VPS13C: variants seen among roughly 807,000 people sequenced by gnomAD.
VPS13C encodes vacuolar protein sorting 13 homolog C.
A neutral mutation model predicts 456.8 loss-of-function variants in VPS13C; 358 were observed. The observed-to-expected ratio is 0.78, with a 90% CI of 0.72 to 0.86. VPS13C has a LOEUF of 0.86. Among genes scored for constraint, VPS13C ranks in the 40% least tolerant of loss-of-function variants. The pLI, the probability that VPS13C is intolerant of heterozygous loss-of-function variation, is 0.00. For missense variants in VPS13C, 4,818 were observed against 4,385.4 expected, an observed-to-expected ratio of 1.10 and a Z score of -2.79; for synonymous variants, 1,578 against 1,486.7, an observed-to-expected ratio of 1.06 and a Z score of -1.41.
chr15:61,910,391 A>G, intron 63 of VPS13C, 86 bp from the exon 64 acceptor site: 1 of 1,076,038 alleles, frequency 9.3e-7, no homozygotes, highest in South Asian at 3.3e-5. Context: ...TTCAATTCTG[A>G]TTCTGATCTT....
intron 2 of VPS13C, among the ~76,000 whole-genome samples, chr15:62,042,419 T>G (rs955142646): frequency 5.9e-5 from 9 of 152,020 alleles, no homozygotes; most frequent in African/African-American, 2.2e-4. Context: ...AATAATTAAC[T>G]AAAATAATCA....
intron 53 of VPS13C, among the ~76,000 whole-genome samples, chr15:61,923,839 A>G (rs916612822): frequency 7.2e-6 from 1 of 139,600 alleles, no homozygotes; most frequent in African/African-American, 2.7e-5. Context: ...CTCTCCAGCC[A>G]TATGTGACCA....
intron 42 of VPS13C, among the ~76,000 whole-genome samples, chr15:61,948,680 T>C (rs916045129): frequency 1.1e-4 from 17 of 149,106 alleles, no homozygotes; most frequent in African/African-American, 4.2e-4. Flanking sequence ...TGAAATTCCG[T>C]CTCAAAAAAA....
chr15:61,890,481 T>G, intron 66 of VPS13C, 81 bp from the exon 67 acceptor site: 1 of 1,271,388 alleles, frequency 7.9e-7, no homozygotes, highest in Non-Finnish European at 1.1e-6. Context: ...ACAGAAAGAT[T>G]AGAAAAGTTT....
Position 61,874,872 on chromosome 15 carries a change from A to G in VPS13C, c.10414+4T>C. On this transcript the variant is annotated splice_donor_region_variant and intron_variant, in intron 77 of 84. Coordinates refer to ENST00000644861, the MANE Select transcript of VPS13C (RefSeq NM_020821.3). ...ACACATATACACAAATATGTGATAC[A>G]TACCTACTGTGTGTCCAAAGAGGCT... 1 of 1,584,238 alleles carries G rather than the reference A, an allele frequency of 6.3e-7. No homozygotes were observed. The highest frequency in any genetic ancestry group is 8.6e-7 in the Non-Finnish European group (1 of 1,167,488).
At chr15:62,040,084 A>C (rs1332545426) in intron 3 of VPS13C, among the ~76,000 whole-genome samples, 1 of 152,182 alleles carries the variant, frequency 6.6e-6, no homozygotes, top group African/African-American at 2.4e-5. Context: ...GGGGGTCATT[A>C]TGTTAAGTGA....
intron 26 of VPS13C, 95 bp downstream of exon 26, chr15:61,973,359 C>A (rs2045611711): frequency 8.1e-6 from 8 of 982,750 alleles, no homozygotes; most frequent in Non-Finnish European, 1.1e-5. Context: ...ATTACTACAG[C>A]ACTTTCAGAC....
chr15:62,046,324 G>C (rs1596530381), intron 1 of VPS13C, among the ~76,000 whole-genome samples: 1 of 152,154 alleles, frequency 6.6e-6, no homozygotes. Context: ...TCACTGTCCA[G>C]ATGCAGGAGT....
At chr15:62,028,093 C>T (rs946291325) in intron 6 of VPS13C, among the ~76,000 whole-genome samples, 3 of 152,096 alleles carry the variant, frequency 2.0e-5, no homozygotes, top group East Asian at 1.9e-4. Context: ...TTCTAAGCTT[C>T]GTAAGAACAG....
At chr15:61,914,491 C>T (rs530359730) in intron 61 of VPS13C, among the ~76,000 whole-genome samples, 3 of 151,796 alleles carry the variant, frequency 2.0e-5, no homozygotes, top group Admixed American at 2.0e-4. Context: ...ATCGCTTGAA[C>T]CCGGGAGGCG....
chr15:62,034,764 T>C (rs2047930631), intron 4 of VPS13C, among the ~76,000 whole-genome samples, 193 bp downstream of exon 4: 2 of 151,578 alleles, frequency 1.3e-5, no homozygotes, highest in African/African-American at 4.9e-5. Flanking sequence ...ACAACAACAA[T>C]ACTTTATACA....
intron 13 of VPS13C, among the ~76,000 whole-genome samples, chr15:62,009,446 C>G (rs8033716): frequency 0.021 from 3,141 of 151,838 alleles, 71 homozygotes; most frequent in South Asian, 0.07. Flanking sequence ...ACCTACCATG[C>G]GGCTGTTTAT....
intron 63 of VPS13C, among the ~76,000 whole-genome samples, chr15:61,910,559 A>G (rs945093494): frequency 6.6e-6 from 1 of 152,188 alleles, no homozygotes; most frequent in Non-Finnish European, 1.5e-5. Flanking sequence ...TGAGAAACTG[A>G]GGAGCCTGTT....
At chr15:61,904,454 C>G (rs1257470054) in intron 66 of VPS13C, among the ~76,000 whole-genome samples, 1 of 149,812 alleles carries the variant, frequency 6.7e-6, no homozygotes, top group Non-Finnish European at 1.5e-5. Context: ...ATGAGATTAT[C>G]TCACCCCAGT....
rs754138230 is a variant in VPS13C at position 61,921,939 on chromosome 15, T to G, written c.7062+8A>C. On this transcript the variant is annotated splice_region_variant and intron_variant, in intron 55 of 84. Transcript: ENST00000644861. ...ATTCTATCCAAAGATATTTTAAGAT[T>G]TCCTTACATCAAGCCTTAAATTCCA... The G allele has an allele frequency of 6.2e-7, 1 of 1,611,372 alleles. No homozygotes were observed.
intron 61 of VPS13C, among the ~76,000 whole-genome samples, chr15:61,915,200 G>C (rs934155829): frequency 2.0e-5 from 3 of 152,192 alleles, no homozygotes; most frequent in African/African-American, 7.2e-5. Flanking sequence ...GAAGAGGAAA[G>C]AAGAGACCAG....
intron 16 of VPS13C, among the ~76,000 whole-genome samples, 182 bp from the exon 17 acceptor site, chr15:61,991,984 T>C (rs886163085): frequency 6.6e-6 from 1 of 152,090 alleles, no homozygotes; most frequent in African/African-American, 2.4e-5. Context: ...CCTATTAGTT[T>C]ATTAATACTT....
In VPS13C at chr15:62,000,637, C is replaced by A. The variant is rs367640121; in HGVS notation, c.1291-11G>T. On this transcript the variant is annotated splice_polypyrimidine_tract_variant and intron_variant, in intron 15 of 84. Coordinates refer to ENST00000644861, the MANE Select transcript of VPS13C (RefSeq NM_020821.3). ...AGTCTTCTCCAAGTCCTGTAAAAAA[C>A]AGAGGCACTTATAAACAAGAAATTT... 1.3e-6 allele frequency: 2 copies of A among 1,590,030 alleles called. No homozygotes were observed. The highest frequency in any genetic ancestry group is 1.2e-5 in the South Asian group (1 of 84,208).
Position 61,907,370 on chromosome 15 carries a change from A to T in VPS13C, c.8999T>A (p.Val3000Asp). 1 of 1,613,974 alleles carries T rather than the reference A, an allele frequency of 6.2e-7. No homozygotes were observed. Among genetic ancestry groups the T allele is most frequent in the Non-Finnish European group, 8.5e-7 (1 of 1,179,856 alleles). ...AAGTCGAGCCTGTCTTGGCAGCAAG[A>T]CCATTTCTTCTGGTGACCCACTAAA... ...YKQSGSPEEMVLLPRQARLFA... is the reference protein window; with the variant it reads ...YKQSGSPEEMDLLPRQARLFA... Residue 3000 changes from valine to aspartate, a missense_variant, in exon 66 of 85, where the codon GTC becomes GAC. Transcript: ENST00000644861.
Sources: allele counts gnomAD v4.1 joint callset (sites outside exome capture counted in the v4.1 genomes callset), GRCh38; gene constraint gnomAD v4.1.1; transcripts MANE v1.5; gene names NCBI Gene and HGNC (gene_info 2026-07-23, HGNC 2026-07-21).